Variants in NEDD4L observed in about 807,000 individuals in gnomAD.
NEDD4L encodes NEDD4 like E3 ubiquitin protein ligase.
NEDD4L carries 54 observed loss-of-function variants against 148.9 expected under a neutral mutation model. The ratio of observed to expected loss-of-function variants is 0.36; its 90% CI spans 0.29 to 0.45. The LOEUF is 0.45. NEDD4L is among the 20% of genes least tolerant of loss of function. NEDD4L has a pLI of 1.00. For synonymous variants in NEDD4L, 433 were observed against 440.7 expected (o/e 0.98, Z 0.22); for missense variants, 856 against 1,233.8 (o/e 0.69, Z 4.59).
chr18:58,044,732 C>T (rs117325095), intron 1 of NEDD4L, 24 bp downstream of exon 1: 36,472 of 1,601,602 alleles, frequency 0.023, 507 homozygotes, highest in Non-Finnish European at 0.028. Context: ...CCTTCCTGCT[C>T]GGGACTCCCC....
rs1028802835 is a variant in NEDD4L at position 58,070,082 on chromosome 18, T to G, written c.48+25374T>G. On this transcript the variant is annotated intron_variant, in intron 1 of 30. Transcript: ENST00000400345. ...TTTGGCAGCTTGCTTGAAAGGGCCT[T>G]TCTGAGGGCTTTGTCTTTGTTTCAC... Among the ~76,000 whole-genome samples, 3 of 152,150 alleles carry G rather than the reference T, an allele frequency of 2.0e-5. No homozygotes were observed. The East Asian group carries it at 5.8e-4, about 29-fold the overall frequency.
intron 5 of NEDD4L, among the ~76,000 whole-genome samples, chr18:58,307,518 A>C (rs1378119336): frequency 1.3e-5 from 2 of 152,214 alleles, no homozygotes; most frequent in Admixed American, 6.5e-5. Flanking sequence ...ATGAAAAGTT[A>C]GCTAGTGTCC....
At chr18:58,162,589 C>T (rs1264257635) in intron 1 of NEDD4L, among the ~76,000 whole-genome samples, 1 of 150,422 alleles carries the variant, frequency 6.6e-6, no homozygotes, top group Non-Finnish European at 1.5e-5. Flanking sequence ...AATTATCTTG[C>T]ATTATGTATT....
chr18:58,274,275 G>A (rs772778680), intron 5 of NEDD4L, among the ~76,000 whole-genome samples: 6 of 152,214 alleles, frequency 3.9e-5, no homozygotes, highest in African/African-American at 1.2e-4. Flanking sequence ...AGTGGCTGTC[G>A]TGTTGGGCTC....
chr18:58,142,040 CTTTTTTTTT>C (rs552184742), intron 1 of NEDD4L, among the ~76,000 whole-genome samples: 19 of 41,858 alleles, frequency 4.5e-4, no homozygotes, highest in Non-Finnish European at 8.2e-4. Flanking sequence ...AAATTTCTTT[CTTTTTTTTT>C]TTTTTTTTTT....
At chr18:58,328,875 G>C in intron 9 of NEDD4L, 120 bp from the exon 10 acceptor site, 1 of 1,014,964 alleles carries the variant, frequency 9.9e-7, no homozygotes. Context: ...CCAGCTAGTT[G>C]TCAGTGTTTG....
At chr18:58,282,695 A>G (rs2053323650) in intron 5 of NEDD4L, among the ~76,000 whole-genome samples, 1 of 152,222 alleles carries the variant, frequency 6.6e-6, no homozygotes, top group Non-Finnish European at 1.5e-5. Flanking sequence ...TGGGTATAAC[A>G]TTCTACATTT....
At chr18:58,181,269 A>G (rs1304094652) in intron 2 of NEDD4L, among the ~76,000 whole-genome samples, 2 of 152,252 alleles carry the variant, frequency 1.3e-5, no homozygotes, top group Non-Finnish European at 2.9e-5. Flanking sequence ...AAAAAGGAAT[A>G]ATTAACCAAT....
At position 58,252,028 on chromosome 18, in the gene NEDD4L, T is replaced by A. The variant is rs1600253758; in HGVS notation, c.271T>A (p.Phe91Ile). Residue 91 changes from phenylalanine to isoleucine, a missense_variant, in exon 5 of 31, where the codon TTT (phenylalanine) becomes ATT (isoleucine). By Grantham distance (21) the Phe-to-Ile change is conservative. This residue lies in a region of NEDD4L where 193 missense variants were observed against 244.2 expected (regional missense o/e 0.79). Coordinates refer to ENST00000400345, the MANE Select transcript of NEDD4L (RefSeq NM_001144967.3). ...AAACCCATCTAATCACAGACTCCTA[T>A]TTGAAGTATTTGACGAAAATAGACT... Reference protein sequence around the residue: ...RVNPSNHRLLFEVFDENRLTR... With the variant: ...RVNPSNHRLLIEVFDENRLTR... The A allele has an allele frequency of 6.3e-7, 1 of 1,595,008 alleles. No homozygotes were observed. The highest frequency in any genetic ancestry group is 8.6e-7 in the Non-Finnish European group (1 of 1,162,686).
At chr18:58,384,114 G>A (rs2146730127) in intron 25 of NEDD4L, among the ~76,000 whole-genome samples, 2 of 152,270 alleles carry the variant, frequency 1.3e-5, no homozygotes, top group Admixed American at 1.3e-4. Flanking sequence ...AACAGGCTAG[G>A]CTCCCTCCTT....
intron 1 of NEDD4L, among the ~76,000 whole-genome samples, chr18:58,151,484 A>G (rs1051157218): frequency 3.3e-5 from 5 of 152,230 alleles, no homozygotes; most frequent in African/African-American, 1.2e-4. Context: ...TCCAAAATGT[A>G]AATTTCTGGT....
intron 1 of NEDD4L, among the ~76,000 whole-genome samples, chr18:58,109,561 G>GTTTT (rs772954089): frequency 3.9e-4 from 53 of 135,958 alleles, no homozygotes; most frequent in Middle Eastern, 3.7e-3. Flanking sequence ...CAACTAGGAG[G>GTTTT]TTTTTTTTTT....
chr18:58,203,820 G>C (rs1235103416), intron 2 of NEDD4L, among the ~76,000 whole-genome samples: 2 of 151,840 alleles, frequency 1.3e-5, no homozygotes, highest in African/African-American at 4.8e-5. Context: ...CTAAAAACTT[G>C]TAGCATTTGA....
At chr18:58,141,685 T>G (rs932053797) in intron 1 of NEDD4L, among the ~76,000 whole-genome samples, 1 of 152,230 alleles carries the variant, frequency 6.6e-6, no homozygotes, top group African/African-American at 2.4e-5. Context: ...GTATATGTTA[T>G]GTGACTAGTG....
chr18:58,183,970 C>T (rs530513081), intron 2 of NEDD4L, among the ~76,000 whole-genome samples: 1 of 152,152 alleles, frequency 6.6e-6, no homozygotes, highest in East Asian at 1.9e-4. Context: ...GAGATCAAGG[C>T]CATCCTGGCT....
At chr18:58,248,048 A>G (rs886912650) in intron 3 of NEDD4L, among the ~76,000 whole-genome samples, 2 of 152,226 alleles carry the variant, frequency 1.3e-5, no homozygotes, top group Non-Finnish European at 2.9e-5. Flanking sequence ...AGATTGATAA[A>G]TATCATTTTG....
rs1434674017 is a variant in NEDD4L at position 58,109,570 on chromosome 18, TTG to T, written c.49-56216_49-56215del. ...TGGGAACAACTAGGAGGTTTTTTTT[TTG>T]TTTTTTTTTTTTTTTTTGAGACGGA... On this transcript the variant is annotated intron_variant, in intron 1 of 30. Transcript: ENST00000400345. Among the ~76,000 whole-genome samples, 9 of 145,062 alleles carry T rather than the reference TTG, an allele frequency of 6.2e-5. 1 individual carries two copies. Among genetic ancestry groups the T allele is most frequent in the African/African-American group, 1.6e-4 (6 of 38,208 alleles).
At chr18:58,085,919 A>C (rs1175133192) in intron 1 of NEDD4L, among the ~76,000 whole-genome samples, 1 of 152,214 alleles carries the variant, frequency 6.6e-6, no homozygotes, top group African/African-American at 2.4e-5. Flanking sequence ...CAGATTGTAC[A>C]ATTTGTAACA....
intron 1 of NEDD4L, among the ~76,000 whole-genome samples, chr18:58,127,069 C>T (rs2031249787): frequency 6.6e-6 from 1 of 152,214 alleles, no homozygotes; most frequent in African/African-American, 2.4e-5. Context: ...TCTCTGCTTA[C>T]CTGTTCATGC....
Sources: gnomAD v4.1 joint callset for allele counts (sites outside exome capture counted in the v4.1 genomes callset) on GRCh38, gnomAD v4.1.1 for gene constraint, gnomAD v4.1.1 regional missense constraint, MANE v1.5 for transcripts, NCBI Gene and HGNC (gene_info 2026-07-23, HGNC 2026-07-21) for gene names.